Variants in DYNC2H1 observed in about 807,000 individuals in gnomAD.
DYNC2H1 encodes cytoplasmic dynein 2 heavy chain 1.
A neutral mutation model predicts 570.0 loss-of-function variants in DYNC2H1; 410 were observed. That is an observed-to-expected ratio of 0.72 (90% CI 0.66 to 0.78). DYNC2H1 has a LOEUF of 0.78. DYNC2H1 is among the 30% of genes least tolerant of loss of function. The pLI, the probability that DYNC2H1 is intolerant of heterozygous loss-of-function variation, is 0.00. For synonymous variants in DYNC2H1, 1,688 were observed against 1,677.6 expected, an observed-to-expected ratio of 1.01 and a Z score of -0.15; for missense variants, 4,865 against 5,046.4, an observed-to-expected ratio of 0.96 and a Z score of 1.09.
rs117884725 is a variant in DYNC2H1, at chr11:103,465,107, C to A, written c.12649-3482C>A. Among the ~76,000 whole-genome samples the A allele has an allele frequency of 3.5e-3, 526 of 151,602 alleles. 5 individuals are homozygous for A. Among genetic ancestry groups the A allele is most frequent in the Middle Eastern group, 0.014 (4 of 292 alleles). On this transcript the variant is annotated intron_variant, in intron 87 of 88. Coordinates refer to ENST00000375735, the MANE Select transcript of DYNC2H1 (RefSeq NM_001377.3). The surrounding 1 kb of genome is among the most constrained non-coding windows in gnomAD (Gnocchi z 4.9). ...ATGGTAAAACACTAAAATGGATATA[C>A]AATCCATAGCAGAAAAGGAGAAAAA...
At chr11:103,147,987 A>G (rs1860331018) in intron 19 of DYNC2H1, 100 bp downstream of exon 19, 1 of 807,868 alleles carries the variant, frequency 1.2e-6, no homozygotes, top group East Asian at 2.8e-5. Context: ...ATTAAAAACC[A>G]AAACTGAACT....
intron 31 of DYNC2H1, among the ~76,000 whole-genome samples, chr11:103,167,182 T>G (rs1861356884): frequency 6.6e-6 from 1 of 152,018 alleles, no homozygotes; most frequent in African/African-American, 2.4e-5. Context: ...TGCTGAGATA[T>G]TCTGTCTTTC....
At chr11:103,310,699 G>GTTTTTTTTTTTT (rs1867545678) in intron 78 of DYNC2H1, among the ~76,000 whole-genome samples, 1 of 32,096 alleles carries the variant, frequency 3.1e-5, no homozygotes, top group Non-Finnish European at 6.0e-5. Context: ...TTTTTTTTTT[G>GTTTTTTTTTTTT]GGAGACTGAG....
chr11:103,390,785 G>A (rs941254424), intron 83 of DYNC2H1, among the ~76,000 whole-genome samples: 4 of 152,098 alleles, frequency 2.6e-5, no homozygotes, highest in African/African-American at 7.2e-5. Context: ...ATGAAATTCT[G>A]GGTTGAAAAT....
At chr11:103,296,193 G>A (rs899560313) in intron 75 of DYNC2H1, among the ~76,000 whole-genome samples, 1 of 152,058 alleles carries the variant, frequency 6.6e-6, no homozygotes. Flanking sequence ...TTTTTGGTTT[G>A]TATGAAGGTA....
At chr11:103,132,337 C>G (rs555808230) in intron 13 of DYNC2H1, among the ~76,000 whole-genome samples, 1 of 152,042 alleles carries the variant, frequency 6.6e-6, no homozygotes, top group Non-Finnish European at 1.5e-5. Flanking sequence ...TATTCCACCT[C>G]ATTTTTTTTA....
rs200930710 is a variant in DYNC2H1, at chr11:103,259,980, A to G, written c.10695+3A>G. ...ATATATGTCGTTGTCTATTTAAGGT[A>G]AGAAGCATCATATTTTTCAAATATA... On this transcript the variant is annotated splice_donor_region_variant and intron_variant, in intron 70 of 88. Coordinates refer to ENST00000375735, the MANE Select transcript of DYNC2H1 (RefSeq NM_001377.3). 7.0e-7 allele frequency: 1 copy of G among 1,436,464 alleles called. No individual in the cohort carries two copies. The highest frequency in any genetic ancestry group is 9.3e-7 in the Non-Finnish European group (1 of 1,073,468). 89.0% of individuals were successfully genotyped at this position (1,436,464 alleles called of 1,614,324 possible). A position where few individuals can be genotyped will look rare whatever the true frequency, so the allele number is the denominator to read the frequency against.
chr11:103,231,299 G>C lies in DYNC2H1; in HGVS notation c.9393G>C (p.Glu3131Asp), dbSNP rs371775845. 4.4e-6 allele frequency: 7 copies of C among 1,607,136 alleles called. No homozygotes were observed. The African/African-American group carries it at 9.4e-5, about 22-fold the overall frequency. ...CTGAAGACAGAAAAAGGAAACTAGA[G>C]GAGCTTCTTAATTCTGTTGGTCAAA... ...KKTEDRKRKL[E>D]ELLNSVGQKV... The change falls in exon 60 of 89, where the codon GAG (glutamate) becomes GAC (aspartate). Residue 3131 changes from glutamate (E) to aspartate (D), a missense_variant. By Grantham distance (45) the Glu-to-Asp change is conservative (BLOSUM62 2). This residue lies in a region of DYNC2H1 where 2,401 missense variants were observed against 2,454.6 expected (regional missense o/e 0.98). Transcript: ENST00000375735.
chr11:103,281,595 C>T (rs897643531), intron 71 of DYNC2H1, among the ~76,000 whole-genome samples: 5 of 151,566 alleles, frequency 3.3e-5, no homozygotes, highest in African/African-American at 4.8e-5. Context: ...TTTACTGGCC[C>T]GTGTGTGACA....
chr11:103,152,679 A>C (rs2134876158), intron 21 of DYNC2H1, among the ~76,000 whole-genome samples: 1 of 152,280 alleles, frequency 6.6e-6, no homozygotes, highest in East Asian at 1.9e-4. Context: ...TTAGACTATA[A>C]GCTGCTATGG....
intron 74 of DYNC2H1, 127 bp from the exon 75 acceptor site, chr11:103,287,405 AT>A (rs1467911392): frequency 4.1e-6 from 3 of 736,236 alleles, no homozygotes; most frequent in Non-Finnish European, 6.6e-6. Context: ...ACAGTAAATA[AT>A]ATGGAACAAT....
chr11:103,124,699 A>G (rs1477646658), intron 11 of DYNC2H1, among the ~76,000 whole-genome samples: 1 of 152,170 alleles, frequency 6.6e-6, no homozygotes, highest in Non-Finnish European at 1.5e-5. Context: ...GATATTCCTT[A>G]TTATTGATGT....
At chr11:103,382,942 A>G (rs1941716556) in intron 83 of DYNC2H1, among the ~76,000 whole-genome samples, 1 of 152,244 alleles carries the variant, frequency 6.6e-6, no homozygotes, top group Non-Finnish European at 1.5e-5. Context: ...CAGTGGAATA[A>G]CTGAGATATT....
chr11:103,352,211 T>C (rs994506355), intron 82 of DYNC2H1, among the ~76,000 whole-genome samples: 5 of 152,096 alleles, frequency 3.3e-5, no homozygotes, highest in African/African-American at 1.2e-4. Flanking sequence ...AACTTTTGGC[T>C]TTTTAAAAAC....
At chr11:103,290,223 A>G (rs1866539414) in intron 75 of DYNC2H1, among the ~76,000 whole-genome samples, 2 of 152,054 alleles carry the variant, frequency 1.3e-5, no homozygotes, top group Admixed American at 1.3e-4. Context: ...AACCCATAAC[A>G]CCTACCAACC....
chr11:103,203,863 G>T lies in DYNC2H1; in HGVS notation c.8311+87G>T, dbSNP rs1320758475. 3 of 875,964 alleles carry T rather than the reference G, an allele frequency of 3.4e-6. No homozygotes were observed. Among genetic ancestry groups the T allele is most frequent in the African/African-American group, 3.4e-5 (2 of 58,356 alleles). 54.3% of individuals were successfully genotyped at this position (875,964 alleles called of 1,614,324 possible). A position where few individuals can be genotyped will look rare whatever the true frequency, so the allele number is the denominator to read the frequency against. On this transcript the variant is annotated intron_variant, in intron 51 of 88. Transcript: ENST00000375735. This position sits in a 1 kb window ranked among gnomAD's most constrained non-coding sequence, Gnocchi z 4.7. ...ATTTGCCTTATTTTGTCATTAGATT[G>T]CAAAGGTATCTTAAATCTTTTTTCT...
At chr11:103,316,106 G>T (rs1050961770) in intron 79 of DYNC2H1, among the ~76,000 whole-genome samples, 1 of 151,800 alleles carries the variant, frequency 6.6e-6, no homozygotes. Context: ...ATTTAGTTCT[G>T]ATACGCATGC....
chr11:103,379,873 A>G (rs1941565303), intron 83 of DYNC2H1, among the ~76,000 whole-genome samples: 2 of 152,194 alleles, frequency 1.3e-5, no homozygotes, highest in Non-Finnish European at 2.9e-5. Flanking sequence ...TCTAGTACCA[A>G]TATATTACTT....
chr11:103,384,603 CTGTA>C, intron 83 of DYNC2H1, among the ~76,000 whole-genome samples: 1 of 152,062 alleles, frequency 6.6e-6, no homozygotes, highest in East Asian at 1.9e-4. Flanking sequence ...AGTTGGTATT[CTGTA>C]TGTTTTTTGT....
Sources: gnomAD v4.1 joint callset for allele counts (sites outside exome capture counted in the v4.1 genomes callset) on GRCh38, gnomAD v4.1.1 for gene constraint, gnomAD v4.1.1 regional missense constraint, Gnocchi (gnomAD v3.1) non-coding constraint, MANE v1.5 for transcripts, NCBI Gene and HGNC (gene_info 2026-07-23, HGNC 2026-07-21) for gene names.